Variants in RIT2 observed in about 807,000 individuals in gnomAD.
RIT2 encodes the protein GTP-binding protein Rit2.
A neutral mutation model predicts 23.7 loss-of-function variants in RIT2; 24 were observed. The observed-to-expected ratio is 1.01, with a 90% CI of 0.73 to 1.43. The LOEUF (loss-of-function observed/expected upper bound fraction) is 1.43. Ranked by LOEUF, RIT2 falls within the 40% of genes most tolerant of loss-of-function variation. The pLI, the probability that RIT2 is intolerant of heterozygous loss-of-function variation, is 0.00. For missense variants in RIT2, 236 were observed against 266.9 expected (o/e 0.88, Z 0.81); for synonymous variants, 107 against 91.1 (o/e 1.17, Z -0.99).
intron 1 of RIT2, among the ~76,000 whole-genome samples, chr18:43,085,517 C>T (rs1021824173): frequency 1.3e-5 from 2 of 152,096 alleles, no homozygotes; most frequent in Non-Finnish European, 2.9e-5. Flanking sequence ...CCTTTCCTAC[C>T]AGCCTCTGGT....
chr18:42,915,015 AAT>A (rs1908869149), intron 4 of RIT2, among the ~76,000 whole-genome samples: 1 of 151,900 alleles, frequency 6.6e-6, no homozygotes, highest in Non-Finnish European at 1.5e-5. Flanking sequence ...AAAAAAAAAA[AAT>A]AATAGTACTC....
At chr18:43,024,118 C>G (rs975543233) in intron 2 of RIT2, among the ~76,000 whole-genome samples, 124 of 152,160 alleles carry the variant, frequency 8.1e-4, no homozygotes, top group African/African-American at 2.8e-3. Flanking sequence ...ACCTTTTACT[C>G]TGGGTGAAAT....
chr18:42,945,746 G>T (rs921680496), intron 3 of RIT2, among the ~76,000 whole-genome samples: 1 of 151,924 alleles, frequency 6.6e-6, no homozygotes, highest in African/African-American at 2.4e-5. Flanking sequence ...GTGCAAGGAC[G>T]CATCATATCT....
chr18:42,823,260 A>C (rs1247249501), intron 4 of RIT2, among the ~76,000 whole-genome samples: 1 of 152,200 alleles, frequency 6.6e-6, no homozygotes, highest in African/African-American at 2.4e-5. Flanking sequence ...TTTTACTGCA[A>C]GGATATTCAT....
intron 4 of RIT2, chr18:42,920,691 T>C (rs778085612): frequency 6.3e-7 from 1 of 1,586,732 alleles, no homozygotes; most frequent in South Asian, 1.1e-5. Context: ...AGGCACCTAT[T>C]CTTACCAAAT....
chr18:42,764,496 C>T (rs896243221), intron 4 of RIT2, among the ~76,000 whole-genome samples: 3 of 152,156 alleles, frequency 2.0e-5, no homozygotes, highest in Non-Finnish European at 4.4e-5. Context: ...TTACCTCTAC[C>T]TAGATGCATT....
rs557728652 is a variant in RIT2, at chr18:42,953,031, T to A, written c.234+21043A>T. 2.3e-3 allele frequency among the ~76,000 whole-genome samples: 343 copies of A among 151,960 alleles called. 4 individuals carry two copies. The South Asian group carries it at 0.037, about 16-fold the overall frequency. ...ATCACGTTGTTTTTCATTGTTATCTTCCTCTGCAGAAAACTACATTGTAGT... is the reference window on the plus strand; with the variant it reads ...ATCACGTTGTTTTTCATTGTTATCTACCTCTGCAGAAAACTACATTGTAGT... On this transcript the variant is annotated intron_variant, in intron 3 of 4. Transcript: ENST00000326695.
intron 1 of RIT2, among the ~76,000 whole-genome samples, chr18:43,090,618 A>T (rs2144359818): frequency 6.6e-6 from 1 of 152,150 alleles, no homozygotes; most frequent in African/African-American, 2.4e-5. Flanking sequence ...TATCAATCTA[A>T]ATGTCCAATA....
chr18:42,758,423 T>C (rs998630379), intron 4 of RIT2, among the ~76,000 whole-genome samples: 5 of 152,132 alleles, frequency 3.3e-5, no homozygotes, highest in African/African-American at 1.2e-4. Flanking sequence ...ACAACTTGCC[T>C]AGTCCCTTAC....
intron 4 of RIT2, among the ~76,000 whole-genome samples, chr18:42,772,010 A>C (rs1394045519): frequency 2.6e-5 from 4 of 152,154 alleles, no homozygotes; most frequent in African/African-American, 9.6e-5. Flanking sequence ...TAGTGCAAGC[A>C]ACTCAGATCT....
chr18:42,918,932 G>A (rs1009294940), intron 4 of RIT2, among the ~76,000 whole-genome samples: 14 of 152,096 alleles, frequency 9.2e-5, no homozygotes, highest in African/African-American at 3.4e-4. Flanking sequence ...CTTCAAATGT[G>A]CTACCCACAT....
At chr18:43,071,913 T>C (rs1488799154) in intron 1 of RIT2, among the ~76,000 whole-genome samples, 1 of 152,182 alleles carries the variant, frequency 6.6e-6, no homozygotes, top group East Asian at 1.9e-4. Context: ...CTTCTGAATC[T>C]CACTATTATC....
At position 42,880,512 on chromosome 18, in the gene RIT2, G is replaced by A. The variant is rs373756270; in HGVS notation, c.426+43060C>T. On this transcript the variant is annotated intron_variant, in intron 4 of 4. Transcript: ENST00000326695. ...TGTTTTGTTTTTGCCTTTGCTTGTG[G>A]CATCCGCATTATTGATCTTGCCTTG... Among the ~76,000 whole-genome samples the A allele has an allele frequency of 4.2e-4, 64 of 152,132 alleles. No homozygotes were observed. The South Asian group carries it at 0.013, about 31-fold the overall frequency.
intron 1 of RIT2, among the ~76,000 whole-genome samples, chr18:43,039,521 T>A (rs1327410205): frequency 2.0e-5 from 3 of 152,002 alleles, no homozygotes; most frequent in African/African-American, 7.2e-5. Context: ...ACTAATTTTG[T>A]ATTTTTAATA....
chr18:42,853,533 C>T (rs73471605), intron 4 of RIT2, among the ~76,000 whole-genome samples: 19,475 of 152,066 alleles, frequency 0.13, 1,289 homozygotes, highest in Middle Eastern at 0.26. Context: ...AAATAAAGAC[C>T]CATAGAATAT....
At chr18:42,798,982 A>G (rs556160378) in intron 4 of RIT2, among the ~76,000 whole-genome samples, 22 of 152,282 alleles carry the variant, frequency 1.4e-4, no homozygotes, top group African/African-American at 5.3e-4. Context: ...AGCCAGTCTC[A>G]TTGCATAAAC....
chr18:43,054,611 C>T (rs1912456918), intron 1 of RIT2, among the ~76,000 whole-genome samples: 1 of 151,954 alleles, frequency 6.6e-6, no homozygotes, highest in African/African-American at 2.4e-5. Context: ...TAAAATTTTC[C>T]ATAGCTCTTT....
At chr18:43,063,337 C>A (rs1598767619) in intron 1 of RIT2, among the ~76,000 whole-genome samples, 1 of 152,060 alleles carries the variant, frequency 6.6e-6, no homozygotes, top group South Asian at 2.1e-4. Flanking sequence ...GGTGTGTTGA[C>A]CAATATTGAC....
At chr18:42,986,950 A>G (rs1420560529) in intron 2 of RIT2, among the ~76,000 whole-genome samples, 1 of 152,222 alleles carries the variant, frequency 6.6e-6, no homozygotes, top group Non-Finnish European at 1.5e-5. Flanking sequence ...GGCAAATTTA[A>G]AAGACTAACA....
Sources: allele counts gnomAD v4.1 joint callset (sites outside exome capture counted in the v4.1 genomes callset), GRCh38; gene constraint gnomAD v4.1.1; transcripts MANE v1.5; gene names NCBI Gene and HGNC (gene_info 2026-07-23, HGNC 2026-07-21).